The following TRIM33 variants were observed in gnomAD, a reference collection of about 807,000 sequenced individuals.
TRIM33 encodes the protein tripartite motif containing 33.
Under a neutral mutation model 125.4 loss-of-function variants are expected in TRIM33, and 20 were observed. The ratio of observed to expected loss-of-function variants is 0.16; its 90% CI spans 0.11 to 0.23. The LOEUF is 0.23. Among genes scored for constraint, TRIM33 ranks in the 10% least tolerant of loss-of-function variants. The pLI is 1.00. For missense variants in TRIM33, 920 were observed against 1,411.4 expected (o/e 0.65, Z 5.58); for synonymous variants, 564 against 513.9 (o/e 1.10, Z -1.32).
chr1:114,450,752 C>T (rs1649261526), intron 4 of TRIM33, among the ~76,000 whole-genome samples: 2 of 152,070 alleles, frequency 1.3e-5, no homozygotes, highest in African/African-American at 4.8e-5. Context: ...CTGATCTTAA[C>T]CTTAATCCAT....
rs1312260880 is a variant in TRIM33, at chr1:114,397,590, T to C, written c.*58A>G. ...TTAAAAGTTTTCTGGGTTTTTTGTGTTTTTTTTTTTTTTTTCGTTTTTTTT... is the reference window on the plus strand; with the variant it reads ...TTAAAAGTTTTCTGGGTTTTTTGTGCTTTTTTTTTTTTTTTCGTTTTTTTT... On this transcript the variant is annotated 3_prime_UTR_variant, in exon 20 of 20. Transcript: ENST00000358465. The C allele has an allele frequency of 6.9e-6, 4 of 582,192 alleles. No homozygotes were observed. In the East Asian group the frequency reaches 2.1e-4, roughly 31 times the overall value. The allele number at this position is 582,192 out of a possible 1,614,324, so 36.1% of individuals were successfully genotyped here.
chr1:114,453,927 T>C (rs1245757473), intron 4 of TRIM33, among the ~76,000 whole-genome samples: 2 of 152,214 alleles, frequency 1.3e-5, no homozygotes, highest in African/African-American at 4.8e-5. Context: ...AAACTTCACA[T>C]TTGGAACTCT....
chr1:114,455,126 A>C (rs1649546482), intron 4 of TRIM33, among the ~76,000 whole-genome samples: 1 of 152,140 alleles, frequency 6.6e-6, no homozygotes, highest in African/African-American at 2.4e-5. Context: ...GTACAACCAG[A>C]GAAGGCTATA....
chr1:114,447,597 A>G (rs530370216), intron 4 of TRIM33, among the ~76,000 whole-genome samples: 6 of 152,364 alleles, frequency 3.9e-5, no homozygotes, highest in African/African-American at 1.2e-4. Flanking sequence ...TTGGAAATCA[A>G]TAACATATAG....
intron 4 of TRIM33, among the ~76,000 whole-genome samples, chr1:114,439,642 G>A (rs73005385): frequency 0.063 from 9,569 of 151,498 alleles, 321 homozygotes; most frequent in African/African-American, 0.086. Flanking sequence ...ATTAGAAATA[G>A]TAGTTACGGA....
intron 1 of TRIM33, among the ~76,000 whole-genome samples, chr1:114,503,013 GCTAAGTAT>G (rs1652799446): frequency 6.6e-6 from 1 of 152,138 alleles, no homozygotes; most frequent in African/African-American, 2.4e-5. Flanking sequence ...GCTTCATACA[GCTAAGTAT>G]CTAAGAAAAG....
At chr1:114,444,563 G>A (rs1485681247) in intron 4 of TRIM33, among the ~76,000 whole-genome samples, 8 of 152,142 alleles carry the variant, frequency 5.3e-5, no homozygotes, top group Non-Finnish European at 8.8e-5. Context: ...TGACAAGATC[G>A]TCTAAGAAAC....
intron 4 of TRIM33, among the ~76,000 whole-genome samples, chr1:114,437,718 G>GATGT (rs1160596138): frequency 1.3e-5 from 2 of 152,000 alleles, no homozygotes; most frequent in African/African-American, 4.8e-5. Flanking sequence ...AAGTAAAAAT[G>GATGT]ATGTATGCCC....
chr1:114,444,500 G>A (rs1648856545), intron 4 of TRIM33, among the ~76,000 whole-genome samples: 1 of 152,134 alleles, frequency 6.6e-6, no homozygotes. Context: ...CTATACCCTG[G>A]AGTAAGCTGT....
chr1:114,511,023 G>A lies in TRIM33; in HGVS notation c.54C>T (p.Gly18=), dbSNP rs1331975428. 7 of 1,320,698 alleles carry A rather than the reference G, an allele frequency of 5.3e-6. No individual in the cohort carries two copies. Among genetic ancestry groups the A allele is most frequent in the South Asian group, 1.9e-5 (1 of 53,996 alleles). 81.8% of individuals were successfully genotyped at this position (1,320,698 alleles called of 1,614,324 possible). The change falls in exon 1 of 20, where the codon GGC becomes GGT. Residue 18 remains glycine, a synonymous_variant. Coordinates refer to ENST00000358465, the MANE Select transcript of TRIM33 (RefSeq NM_015906.4). ...GEAESGGGGS[G]SAPVTAGAAG... Reference sequence around the variant, plus strand: ...CGGCCCCGGCAGTTACCGGCGCGCTGCCGCTGCCCCCGCCGCCGCTCTCAG... The same window carrying A: ...CGGCCCCGGCAGTTACCGGCGCGCTACCGCTGCCCCCGCCGCCGCTCTCAG...
intron 1 of TRIM33, among the ~76,000 whole-genome samples, chr1:114,494,647 C>T (rs1652261848): frequency 6.6e-6 from 1 of 152,094 alleles, no homozygotes; most frequent in South Asian, 2.1e-4. Flanking sequence ...TAAGCACAAC[C>T]CGAACAGGCA....
At chr1:114,446,436 G>T (rs1442064210) in intron 4 of TRIM33, among the ~76,000 whole-genome samples, 1 of 151,882 alleles carries the variant, frequency 6.6e-6, no homozygotes, top group East Asian at 1.9e-4. Flanking sequence ...TGTGGCAATA[G>T]TACAAAGGAT....
At chr1:114,476,576 A>G (rs1172476660) in intron 1 of TRIM33, among the ~76,000 whole-genome samples, 1 of 152,138 alleles carries the variant, frequency 6.6e-6, no homozygotes, top group Non-Finnish European at 1.5e-5. Context: ...GATAACCTAA[A>G]AATTTTTTGA....
intron 4 of TRIM33, among the ~76,000 whole-genome samples, chr1:114,439,732 C>A (rs1048824124): frequency 1.3e-5 from 2 of 151,940 alleles, no homozygotes; most frequent in South Asian, 4.1e-4. Context: ...CAGAAGACTA[C>A]ACTAAGGTAT....
chr1:114,440,386 G>A (rs1396187975), intron 4 of TRIM33, among the ~76,000 whole-genome samples: 6 of 151,288 alleles, frequency 4.0e-5, no homozygotes, highest in African/African-American at 1.5e-4. Flanking sequence ...CAAGGAAAGA[G>A]GAAAGTTCAT....
At chr1:114,456,003 TG>T (rs933789186) in intron 4 of TRIM33, among the ~76,000 whole-genome samples, 2 of 152,182 alleles carry the variant, frequency 1.3e-5, no homozygotes, top group Non-Finnish European at 2.9e-5. Context: ...TTCTAAATCT[TG>T]TTGAAGTCCT....
At chr1:114,404,961 GAAA>G (rs1652142187) in intron 15 of TRIM33, 2 of 152,676 alleles carry the variant, frequency 1.3e-5, no homozygotes, top group Non-Finnish European at 2.9e-5. Flanking sequence ...TATGGTCTCT[GAAA>G]TCAAGAGACA....
rs745935427 is a variant in TRIM33 at position 114,504,419 on chromosome 1, C to T, written c.526+6132G>A. On this transcript the variant is annotated intron_variant, in intron 1 of 19. Coordinates refer to ENST00000358465, the MANE Select transcript of TRIM33 (RefSeq NM_015906.4). ...CTGGACTCAAGCAATCCACCCACCT[C>T]GGCCTCCCAAATGGAGTCACTCACC... Among the ~76,000 whole-genome samples, 15 of 152,172 alleles carry T rather than the reference C, an allele frequency of 9.9e-5. 1 individual carries two copies. The highest frequency in any genetic ancestry group is 4.1e-4 in the South Asian group (2 of 4,832).
intron 1 of TRIM33, among the ~76,000 whole-genome samples, chr1:114,496,058 T>G (rs527300960): frequency 1.9e-4 from 29 of 152,348 alleles, no homozygotes; most frequent in Middle Eastern, 6.8e-3. Context: ...GAAGGACAGC[T>G]GAAATGCAGT....
Sources: gnomAD v4.1 joint callset for allele counts (sites outside exome capture counted in the v4.1 genomes callset) on GRCh38, gnomAD v4.1.1 for gene constraint, MANE v1.5 for transcripts, NCBI Gene and HGNC (gene_info 2026-07-23, HGNC 2026-07-21) for gene names.